The following MTURN variants were observed in gnomAD, a reference collection of about 807,000 sequenced individuals.
MTURN encodes maturin, neural progenitor differentiation regulator homolog.
In MTURN, 7 loss-of-function variants were observed where a neutral mutation model predicts 14.9. That is an observed-to-expected ratio of 0.47 (90% CI 0.27 to 0.88). The LOEUF (loss-of-function observed/expected upper bound fraction) is 0.88, where lower values mean the gene tolerates loss of function less well. MTURN is among the 40% of genes least tolerant of loss of function. MTURN has a pLI of 0.14. For synonymous variants in MTURN, 69 were observed against 72.5 expected (o/e 0.95, Z 0.25); for missense variants, 151 against 174.1 (o/e 0.87, Z 0.75).
At chr7:30,152,862 G>C (rs1333317178) in intron 2 of MTURN, among the ~76,000 whole-genome samples, 1 of 152,148 alleles carries the variant, frequency 6.6e-6, no homozygotes, top group Non-Finnish European at 1.5e-5. Flanking sequence ...TCCAGAGTTG[G>C]CAGCTCTGCC....
intron 2 of MTURN, among the ~76,000 whole-genome samples, chr7:30,148,629 A>G (rs1191042663): frequency 6.6e-6 from 1 of 152,126 alleles, no homozygotes; most frequent in Non-Finnish European, 1.5e-5. Flanking sequence ...TTCTGGAGAT[A>G]CCTTGAGAGT....
intron 2 of MTURN, among the ~76,000 whole-genome samples, chr7:30,157,067 A>G (rs768297239): frequency 1.7e-4 from 26 of 152,206 alleles, no homozygotes; most frequent in Non-Finnish European, 1.5e-4. Flanking sequence ...TAGGACAGAA[A>G]ATACAGAATC....
intron 2 of MTURN, among the ~76,000 whole-genome samples, chr7:30,147,254 G>A (rs1797143020): frequency 6.6e-6 from 1 of 152,184 alleles, no homozygotes; most frequent in African/African-American, 2.4e-5. Context: ...ATCTTTGTGT[G>A]CTAGTTATTG....
At chr7:30,149,709 G>C (rs926949124) in intron 2 of MTURN, among the ~76,000 whole-genome samples, 2 of 152,320 alleles carry the variant, frequency 1.3e-5, no homozygotes, top group South Asian at 2.1e-4. Context: ...ACAGTTGAAC[G>C]TATTTGTTGA....
At position 30,135,157 on chromosome 7, in the gene MTURN, C is replaced by A; in HGVS notation, c.21C>A (p.Ala7=). 6.8e-7 allele frequency: 1 copy of A among 1,465,056 alleles called. No homozygotes were observed. Among genetic ancestry groups the A allele is most frequent in the Admixed American group, 2.4e-5 (1 of 41,098 alleles). The allele number at this position is 1,465,056 out of a possible 1,614,324, so 90.8% of individuals were successfully genotyped here. The part of the protein sequence containing the change: MDFQQL[A]DVAEKWCSNT... ...CCGCGATGGATTTCCAGCAGCTGGCCGACGTTGCGGAGAAATGGTGCTCCA... is the reference window on the plus strand; with the variant it reads ...CCGCGATGGATTTCCAGCAGCTGGCAGACGTTGCGGAGAAATGGTGCTCCA... The change falls in exon 1 of 3, where the codon GCC becomes GCA. Residue 7 remains alanine (A), a synonymous_variant. Coordinates refer to ENST00000324453, the MANE Select transcript of MTURN (RefSeq NM_152793.3).
At chr7:30,137,885 T>C (rs978041294) in intron 1 of MTURN, among the ~76,000 whole-genome samples, 8 of 151,924 alleles carry the variant, frequency 5.3e-5, no homozygotes, top group Non-Finnish European at 1.0e-4. Context: ...CATTCATTCA[T>C]TCATTCAACA....
At chr7:30,143,595 A>G (rs1284201590) in intron 1 of MTURN, among the ~76,000 whole-genome samples, 2 of 152,126 alleles carry the variant, frequency 1.3e-5, no homozygotes, top group Non-Finnish European at 1.5e-5. Context: ...GTGGACAAGG[A>G]TTCAGTTACA....
chr7:30,153,286 G>C (rs986417366), intron 2 of MTURN, among the ~76,000 whole-genome samples: 3 of 152,148 alleles, frequency 2.0e-5, no homozygotes, highest in African/African-American at 7.2e-5. Flanking sequence ...CTACATATCT[G>C]TAAGATATGT....
At chr7:30,155,976 T>A (rs530963459) in intron 2 of MTURN, among the ~76,000 whole-genome samples, 1 of 152,320 alleles carries the variant, frequency 6.6e-6, no homozygotes, top group South Asian at 2.1e-4. Flanking sequence ...TTAGGGCCAC[T>A]CAGTGAAGGT....
chr7:30,153,661 ATGTG>A (rs1797243433), intron 2 of MTURN, among the ~76,000 whole-genome samples: 1 of 152,206 alleles, frequency 6.6e-6, no homozygotes, highest in Non-Finnish European at 1.5e-5. Flanking sequence ...AAAGGAGTTA[ATGTG>A]TGTAATTCTG....
At chr7:30,146,607 G>A (rs58212458) in intron 2 of MTURN, among the ~76,000 whole-genome samples, 1 of 152,136 alleles carries the variant, frequency 6.6e-6, no homozygotes, top group African/African-American at 2.4e-5. Context: ...TTCTCCTCTA[G>A]GAGACTTGGA....
intron 2 of MTURN, among the ~76,000 whole-genome samples, chr7:30,148,573 G>A (rs1386434306): frequency 6.6e-6 from 1 of 152,212 alleles, no homozygotes; most frequent in African/African-American, 2.4e-5. Context: ...AGATAGTGGT[G>A]GCCTGGACTG....
intron 2 of MTURN, among the ~76,000 whole-genome samples, chr7:30,153,775 T>C (rs535993422): frequency 6.6e-6 from 1 of 152,212 alleles, no homozygotes; most frequent in Non-Finnish European, 1.5e-5. Context: ...TGGAGTGCAA[T>C]GGCACGATCT....
chr7:30,159,638 T>C lies in MTURN; in HGVS notation c.*2090T>C, dbSNP rs541955023. 6.5e-5 allele frequency: 10 copies of C among 152,766 alleles called. No individual in the cohort carries two copies. The highest frequency in any genetic ancestry group is 3.4e-3 in the Middle Eastern group (1 of 294). The allele number at this position is 152,766 out of a possible 1,614,324, so 9.5% of individuals were successfully genotyped here. A position where few individuals can be genotyped will look rare whatever the true frequency, so the allele number is the denominator to read the frequency against. On this transcript the variant is annotated 3_prime_UTR_variant, in exon 3 of 3. Transcript: ENST00000324453. ...TAGACTCGGCCATTCTGTGGGCTGA[T>C]GAGAATTCTGGGCTTTGTTTTGCAC...
chr7:30,138,056 C>G (rs189867584), intron 1 of MTURN, among the ~76,000 whole-genome samples: 5 of 152,258 alleles, frequency 3.3e-5, no homozygotes, highest in Admixed American at 3.3e-4. Flanking sequence ...GGGTTTGCAC[C>G]TCAGCTCCCC....
At position 30,158,588 on chromosome 7, in the gene MTURN, G is replaced by A. The variant is rs1797323246; in HGVS notation, c.*1040G>A. On this transcript the variant is annotated 3_prime_UTR_variant, in exon 3 of 3. Coordinates refer to ENST00000324453, the MANE Select transcript of MTURN (RefSeq NM_152793.3). Reference sequence around the variant, plus strand: ...CACATGTTTCGAGGGACTTAATTGTGGTGTATTTGTAAAGGGACACGAAGG... The same window carrying A: ...CACATGTTTCGAGGGACTTAATTGTAGTGTATTTGTAAAGGGACACGAAGG... 1 of 151,988 alleles carries A rather than the reference G, an allele frequency of 6.6e-6. No individual in the cohort carries two copies. The highest frequency in any genetic ancestry group is 2.4e-5 in the African/African-American group (1 of 41,368). The allele number at this position is 151,988 out of a possible 1,614,324, so 9.4% of individuals were successfully genotyped here.
rs1202741954 is a variant in MTURN, at chr7:30,159,684, C to T, written c.*2136C>T. ...TGCACCAGGGGTAGGAAACAGAGAA[C>T]ATGTCTGTATGTTACTTAATCTCCA... On this transcript the variant is annotated 3_prime_UTR_variant, in exon 3 of 3. Coordinates refer to ENST00000324453, the MANE Select transcript of MTURN (RefSeq NM_152793.3). 2 of 152,624 alleles carry T rather than the reference C, an allele frequency of 1.3e-5. No individual in the cohort carries two copies. The highest frequency in any genetic ancestry group is 2.1e-4 in the South Asian group (1 of 4,834). 9.5% of individuals were successfully genotyped at this position (152,624 alleles called of 1,614,324 possible).
At chr7:30,138,169 G>A (rs1057387390) in intron 1 of MTURN, among the ~76,000 whole-genome samples, 6 of 152,086 alleles carry the variant, frequency 3.9e-5, no homozygotes, top group Admixed American at 3.9e-4. Flanking sequence ...AGGCTGGAGT[G>A]TAGTGGCGTA....
Position 30,151,420 on chromosome 7 carries a change from C to T in MTURN, c.285+5121C>T, listed in dbSNP as rs10251799. ...GAGCTGGAGAATGAAACAATGGTTA[C>T]GGACCTAAATAATGGTGATCATGCC... On this transcript the variant is annotated intron_variant, in intron 2 of 2. Coordinates refer to ENST00000324453, the MANE Select transcript of MTURN (RefSeq NM_152793.3). 1.9e-3 allele frequency among the ~76,000 whole-genome samples: 295 copies of T among 152,314 alleles called. 1 individual carries two copies. Among genetic ancestry groups the T allele is most frequent in the African/African-American group, 6.9e-3 (286 of 41,578 alleles).
Sources: gnomAD v4.1 joint callset for allele counts (sites outside exome capture counted in the v4.1 genomes callset) on GRCh38, gnomAD v4.1.1 for gene constraint, MANE v1.5 for transcripts, NCBI Gene and HGNC (gene_info 2026-07-23, HGNC 2026-07-21) for gene names.